The following OPRK1 variants were observed in gnomAD, a reference collection of about 807,000 sequenced individuals.
The protein encoded by OPRK1 is kappa-type opioid receptor.
OPRK1 carries 15 observed loss-of-function variants against 24.5 expected under a neutral mutation model. That is an observed-to-expected ratio of 0.61 (90% CI 0.41 to 0.94). The LOEUF (loss-of-function observed/expected upper bound fraction) is 0.94. OPRK1 is among the 40% of genes least tolerant of loss of function. The pLI is 0.00. For missense variants in OPRK1, 479 were observed against 507.3 expected, an observed-to-expected ratio of 0.94 and a Z score of 0.54; for synonymous variants, 205 against 198.0, an observed-to-expected ratio of 1.04 and a Z score of -0.30.
intron 1 of OPRK1, 181 bp downstream of exon 1, chr8:53,251,267 G>C (rs1807392805): frequency 1.6e-6 from 1 of 613,648 alleles, no homozygotes; most frequent in South Asian, 2.4e-5. Context: ...GGGTGCCAGA[G>C]AGGGGCGAAG....
chr8:53,234,901 G>A lies in OPRK1; in HGVS notation c.468C>T (p.Arg156=), dbSNP rs200414490. Residue 156 remains arginine (R), a synonymous_variant, in exon 3 of 4, where the codon CGC becomes CGT. Transcript: ENST00000265572. Reference sequence around the variant, plus strand: ...TCACGGGGTGGCACACGGCAATGTAGCGGTCCACGCTCATCATGGTCAAGG... The same window carrying A: ...TCACGGGGTGGCACACGGCAATGTAACGGTCCACGCTCATCATGGTCAAGG... ...IFTLTMMSVD[R]YIAVCHPVKA... is the part of the protein sequence containing the mutation. 1.8e-5 allele frequency: 29 copies of A among 1,614,054 alleles called. No individual in the cohort carries two copies. The highest frequency in any genetic ancestry group is 2.2e-5 in the Non-Finnish European group (26 of 1,180,056).
rs79811234 is a variant in OPRK1, at chr8:53,249,480, G to A, written c.257+1301C>T. 5.2e-3 allele frequency among the ~76,000 whole-genome samples: 793 copies of A among 152,070 alleles called. 8 individuals are homozygous for A. Among genetic ancestry groups the A allele is most frequent in the African/African-American group, 0.018 (731 of 41,444 alleles). ...TACTCATCATGGATAGAATTCCTGCGAAATGCAATAGGCAATTATGAAAAC... is the reference window on the plus strand; with the variant it reads ...TACTCATCATGGATAGAATTCCTGCAAAATGCAATAGGCAATTATGAAAAC... On this transcript the variant is annotated intron_variant, in intron 2 of 3. Coordinates refer to ENST00000265572, the MANE Select transcript of OPRK1 (RefSeq NM_000912.5).
In OPRK1 at chr8:53,229,752, C is replaced by T. The variant is rs186551684; in HGVS notation, c.688G>A (p.Val230Ile). ...GGGATCACGAAGGCAAAGATGAAGA[C>T]GCAGATCTTCATGAAGAGGTCCCAC... Reference protein sequence around the residue: ...SWWDLFMKICVFIFAFVIPVL... With the variant: ...SWWDLFMKICIFIFAFVIPVL... Residue 230 changes from valine (V) to isoleucine (I), a missense_variant, in exon 4 of 4, where the codon GTC (valine) becomes ATC (isoleucine). Physicochemically the swap from Val to Ile is conservative, Grantham distance 29. Coordinates refer to ENST00000265572, the MANE Select transcript of OPRK1 (RefSeq NM_000912.5). 72 of 1,613,464 alleles carry T rather than the reference C, an allele frequency of 4.5e-5. No individual in the cohort carries two copies. Among genetic ancestry groups the T allele is most frequent in the South Asian group, 1.1e-4 (10 of 90,998 alleles).
chr8:53,232,383 G>C (rs1033230426), intron 3 of OPRK1, among the ~76,000 whole-genome samples: 2 of 152,176 alleles, frequency 1.3e-5, no homozygotes, highest in African/African-American at 2.4e-5. Flanking sequence ...ATAACTAAAA[G>C]AGTGAAATTG....
chr8:53,250,965 T>C lies in OPRK1; in HGVS notation c.73A>G (p.Asn25Asp), dbSNP rs1032860252. 5.6e-6 allele frequency: 9 copies of C among 1,607,330 alleles called. No individual in the cohort carries two copies. The highest frequency in any genetic ancestry group is 2.7e-5 in the African/African-American group (2 of 74,680). The change falls in exon 2 of 4, where the codon AAC becomes GAC. Residue 25 changes from asparagine (N) to aspartate (D), a missense_variant. Physicochemically the swap from Asn to Asp is conservative, Grantham distance 23 (BLOSUM62 1). Transcript: ENST00000265572. ...CAGCCGGGAAACCAGGCGCTGCTGT[T>C]GGGGGGCAGGCAGGCGCTCGGGGCG... The part of the protein sequence containing the change: ...TCAPSACLPP[N>D]SSAWFPGWAE...
At chr8:53,237,573 A>G (rs1384544069) in intron 2 of OPRK1, among the ~76,000 whole-genome samples, 1 of 152,214 alleles carries the variant, frequency 6.6e-6, no homozygotes, top group Non-Finnish European at 1.5e-5. Context: ...TTCATGTGGT[A>G]GGTACTGGTA....
In OPRK1 at chr8:53,227,983, A is replaced by G. The variant is rs1453224075; in HGVS notation, c.*1314T>C. 6.6e-6 allele frequency: 1 copy of G among 152,176 alleles called. No homozygotes were observed. The highest frequency in any genetic ancestry group is 1.5e-5 in the Non-Finnish European group (1 of 68,028). 9.4% of individuals were successfully genotyped at this position (152,176 alleles called of 1,614,324 possible). A position where few individuals can be genotyped will look rare whatever the true frequency, so the allele number is the denominator to read the frequency against. ...AATGGTAAGTTTCAGGGGGAAAAAG[A>G]GGGAATTTATATGTCATCTGGAAGT... On this transcript the variant is annotated 3_prime_UTR_variant, in exon 4 of 4. Transcript: ENST00000265572.
chr8:53,226,299 G>C lies in OPRK1; in HGVS notation c.*2998C>G, dbSNP rs201130233. The C allele has an allele frequency of 4.4e-4, 67 of 152,238 alleles. No homozygotes were observed. Among genetic ancestry groups the C allele is most frequent in the African/African-American group, 1.4e-3 (57 of 41,532 alleles). The allele number at this position is 152,238 out of a possible 1,614,324, so 9.4% of individuals were successfully genotyped here. ...GCTCTTAGATTGGTAACTACTCTGA[G>C]ATACTAAGAGTGTTTCCACTCTCCT... On this transcript the variant is annotated 3_prime_UTR_variant, in exon 4 of 4. Transcript: ENST00000265572.
At chr8:53,238,313 G>A (rs1304176617) in intron 2 of OPRK1, among the ~76,000 whole-genome samples, 2 of 152,242 alleles carry the variant, frequency 1.3e-5, no homozygotes, top group African/African-American at 4.8e-5. Context: ...CCATCTGGGT[G>A]GGAAGTTCTG....
chr8:53,251,307 A>C, intron 1 of OPRK1, 141 bp downstream of exon 1: 1 of 520,636 alleles, frequency 1.9e-6, no homozygotes, highest in East Asian at 3.6e-5. Flanking sequence ...CCAGCCCCTG[A>C]GGTGCCTCCC....
At position 53,226,000 on chromosome 8, in the gene OPRK1, T is replaced by C. The variant is rs976821519; in HGVS notation, c.*3297A>G. On this transcript the variant is annotated 3_prime_UTR_variant, in exon 4 of 4. Coordinates refer to ENST00000265572, the MANE Select transcript of OPRK1 (RefSeq NM_000912.5). ...ACACACAACCTTTCACAGCTTTCAC[T>C]TTACAATGTTCCAATTTAAAGTCAG... is the stretch of plus-strand genomic sequence containing the variant. 6.6e-6 allele frequency: 1 copy of C among 152,164 alleles called. No individual in the cohort carries two copies. Among genetic ancestry groups the C allele is most frequent in the Admixed American group, 6.5e-5 (1 of 15,274 alleles). 9.4% of individuals were successfully genotyped at this position (152,164 alleles called of 1,614,324 possible).
chr8:53,249,117 T>C (rs1807305666), intron 2 of OPRK1, among the ~76,000 whole-genome samples: 1 of 152,194 alleles, frequency 6.6e-6, no homozygotes, highest in African/African-American at 2.4e-5. Context: ...CTGCAAAAGG[T>C]TGTAGAGCAA....
chr8:53,246,356 C>A lies in OPRK1; in HGVS notation c.257+4425G>T, dbSNP rs150862297. ...CTCAAATGCTCAGGGCAGAGGACTGCGTGGAAGAAAAGGAAACAAAGAGTA... is the reference window on the plus strand; with the variant it reads ...CTCAAATGCTCAGGGCAGAGGACTGAGTGGAAGAAAAGGAAACAAAGAGTA... On this transcript the variant is annotated intron_variant, in intron 2 of 3. Coordinates refer to ENST00000265572, the MANE Select transcript of OPRK1 (RefSeq NM_000912.5). Among the ~76,000 whole-genome samples, 552 of 152,156 alleles carry A rather than the reference C, an allele frequency of 3.6e-3. 4 individuals carry two copies. The highest frequency in any genetic ancestry group is 6.2e-3 in the Non-Finnish European group (419 of 68,012).
intron 2 of OPRK1, among the ~76,000 whole-genome samples, chr8:53,249,479 C>T (rs1239031709): frequency 2.6e-5 from 4 of 152,008 alleles, no homozygotes; most frequent in East Asian, 1.9e-4. Flanking sequence ...AGAATTCCTG[C>T]GAAATGCAAT....
intron 2 of OPRK1, chr8:53,238,433 G>T: frequency 1.5e-6 from 1 of 647,434 alleles, no homozygotes; most frequent in Non-Finnish European, 1.9e-6. Context: ...GGCTGTCCTC[G>T]CTAAACTGAC....
chr8:53,247,036 T>C (rs1807246481), intron 2 of OPRK1, among the ~76,000 whole-genome samples: 3 of 152,102 alleles, frequency 2.0e-5, no homozygotes, highest in South Asian at 2.1e-4. Flanking sequence ...TAGCTGGGTA[T>C]AGGAATAAGG....
At chr8:53,230,497 T>C (rs958592904) in intron 3 of OPRK1, among the ~76,000 whole-genome samples, 1 of 152,186 alleles carries the variant, frequency 6.6e-6, no homozygotes, top group African/African-American at 2.4e-5. Flanking sequence ...ATCAAGGGAA[T>C]TCTGAGTAAA....
chr8:53,244,748 CAG>C (rs1346875728), intron 2 of OPRK1, among the ~76,000 whole-genome samples: 1 of 152,172 alleles, frequency 6.6e-6, no homozygotes, highest in Non-Finnish European at 1.5e-5. Context: ...TGAAGCTTGA[CAG>C]AGTGTCCTCT....
intron 2 of OPRK1, among the ~76,000 whole-genome samples, chr8:53,238,068 G>C (rs965600170): frequency 6.6e-6 from 1 of 152,160 alleles, no homozygotes; most frequent in Admixed American, 6.5e-5. Context: ...TACTACACTG[G>C]ACTACTCTGT....
Sources: gnomAD v4.1 joint callset for allele counts (sites outside exome capture counted in the v4.1 genomes callset) on GRCh38, gnomAD v4.1.1 for gene constraint, MANE v1.5 for transcripts, NCBI Gene and HGNC (gene_info 2026-07-23, HGNC 2026-07-21) for gene names.